The following NRXN3 variants were observed in gnomAD, a reference collection of about 807,000 sequenced individuals.
NRXN3 encodes neurexin 3, also known as neurexin III.
A neutral mutation model predicts 137.6 loss-of-function variants in NRXN3; 32 were observed. The ratio of observed to expected loss-of-function variants is 0.23; its 90% CI spans 0.18 to 0.31. The LOEUF is 0.31. Ranked by LOEUF, NRXN3 falls within the 10% of genes least tolerant of loss-of-function variation. The probability of loss-of-function intolerance (pLI) is 1.00; values close to 1 mark genes in which losing one functional copy is unlikely to be tolerated. For synonymous variants in NRXN3, 798 were observed against 784.5 expected (o/e 1.02, Z -0.29); for missense variants, 1,574 against 2,062.5 (o/e 0.76, Z 4.59).
intron 15 of NRXN3, among the ~76,000 whole-genome samples, chr14:79,052,222 A>G (rs1473414291): frequency 6.6e-6 from 1 of 152,208 alleles, no homozygotes; most frequent in South Asian, 2.1e-4. Flanking sequence ...CTTATCCAAA[A>G]CTAATTCTGT....
At chr14:79,275,825 A>G (rs2080208623) in intron 15 of NRXN3, among the ~76,000 whole-genome samples, 1 of 152,102 alleles carries the variant, frequency 6.6e-6, no homozygotes, top group African/African-American at 2.4e-5. Context: ...ATTGTATTCC[A>G]TTTAGAAATT....
At chr14:79,135,230 A>G (rs2058094770) in intron 15 of NRXN3, among the ~76,000 whole-genome samples, 1 of 152,192 alleles carries the variant, frequency 6.6e-6, no homozygotes, top group East Asian at 1.9e-4. Context: ...TCACAAACAA[A>G]TGCAGAGCCT....
intron 4 of NRXN3, among the ~76,000 whole-genome samples, chr14:78,432,645 G>C (rs1474544586): frequency 2.0e-5 from 3 of 152,192 alleles, no homozygotes; most frequent in Non-Finnish European, 4.4e-5. Context: ...TGCCTTGCCT[G>C]GTTTTAAGTT....
intron 4 of NRXN3, among the ~76,000 whole-genome samples, chr14:78,448,080 T>A (rs1321275389): frequency 2.6e-5 from 4 of 152,158 alleles, no homozygotes; most frequent in Non-Finnish European, 2.9e-5. Context: ...AAAGCACAGG[T>A]CAAATACTAC....
intron 8 of NRXN3, among the ~76,000 whole-genome samples, chr14:78,766,463 C>G (rs1595660947): frequency 2.0e-5 from 3 of 152,356 alleles, no homozygotes; most frequent in Admixed American, 2.0e-4. Flanking sequence ...TCCCTCTCCA[C>G]TGCCACCCCC....
chr14:78,738,904 C>T (rs930745649), intron 8 of NRXN3, among the ~76,000 whole-genome samples: 3 of 152,064 alleles, frequency 2.0e-5, no homozygotes, highest in Admixed American at 6.5e-5. Flanking sequence ...ATGTGGTGCT[C>T]GTGTGGGCCC....
intron 15 of NRXN3, among the ~76,000 whole-genome samples, chr14:79,276,595 T>G (rs1166275267): frequency 1.3e-5 from 2 of 152,084 alleles, no homozygotes; most frequent in African/African-American, 4.8e-5. Flanking sequence ...TTGTACTGCA[T>G]TAAGGATTTA....
chr14:78,185,627 A>T (rs566432934), intron 1 of NRXN3, among the ~76,000 whole-genome samples: 2 of 152,234 alleles, frequency 1.3e-5, no homozygotes, highest in East Asian at 3.9e-4. Flanking sequence ...CAGGTGATGG[A>T]CCTCAGCTTT....
At chr14:78,188,949 T>A (rs2060477296) in intron 1 of NRXN3, among the ~76,000 whole-genome samples, 1 of 152,094 alleles carries the variant, frequency 6.6e-6, no homozygotes, top group Non-Finnish European at 1.5e-5. Context: ...TACTTGTGTG[T>A]CTAATTCTAA....
At chr14:79,437,045 C>T (rs932859480) in intron 15 of NRXN3, among the ~76,000 whole-genome samples, 1 of 152,102 alleles carries the variant, frequency 6.6e-6, no homozygotes, top group Admixed American at 6.6e-5. Context: ...ATCACTAATC[C>T]ATGGTGCTTA....
At chr14:78,400,948 T>C (rs2091988523) in intron 4 of NRXN3, among the ~76,000 whole-genome samples, 2 of 152,204 alleles carry the variant, frequency 1.3e-5, no homozygotes, top group Admixed American at 1.3e-4. Flanking sequence ...GAAATTTATT[T>C]CTCACAGTTC....
chr14:78,326,943 AT>A (rs745955572), intron 4 of NRXN3, among the ~76,000 whole-genome samples: 166 of 150,096 alleles, frequency 1.1e-3, no homozygotes, highest in East Asian at 0.011. Flanking sequence ...AAAAAAAAAA[AT>A]CTCTCTGTTC....
chr14:78,985,008 T>C (rs915297279), intron 14 of NRXN3, among the ~76,000 whole-genome samples: 1 of 152,256 alleles, frequency 6.6e-6, no homozygotes, highest in African/African-American at 2.4e-5. Context: ...CTTCCGGTAC[T>C]ATCTGATTCT....
chr14:79,682,363 G>A (rs902062337), intron 17 of NRXN3, among the ~76,000 whole-genome samples: 3 of 152,114 alleles, frequency 2.0e-5, no homozygotes, highest in African/African-American at 7.2e-5. Flanking sequence ...TTGCCAAGTA[G>A]AATTAACGAG....
At chr14:78,658,787 G>A (rs1022097273) in intron 6 of NRXN3, among the ~76,000 whole-genome samples, 1 of 152,166 alleles carries the variant, frequency 6.6e-6, no homozygotes, top group Non-Finnish European at 1.5e-5. Flanking sequence ...GAAGATGTAC[G>A]GAAAAGCACT....
rs1441935153 is a variant in NRXN3 at position 79,116,492 on chromosome 14, T to G, written c.3262+128351T>G. On this transcript the variant is annotated intron_variant, in intron 15 of 20. Transcript: ENST00000335750. ...TCATAAAGCTCTGGCTTAGTTACTG[T>G]TTGCATGTTCAAGACTACTCTGAGG... Among the ~76,000 whole-genome samples, 3 of 152,216 alleles carry G rather than the reference T, an allele frequency of 2.0e-5. No individual in the cohort carries two copies. The East Asian group carries it at 5.8e-4, about 29-fold the overall frequency.
intron 15 of NRXN3, among the ~76,000 whole-genome samples, chr14:79,070,545 A>G (rs1595611235): frequency 1.3e-5 from 2 of 152,310 alleles, no homozygotes; most frequent in East Asian, 1.9e-4. Flanking sequence ...TAATAACTCA[A>G]TAACTCCACA....
chr14:79,230,905 C>A (rs2072060580), intron 15 of NRXN3, among the ~76,000 whole-genome samples: 1 of 152,050 alleles, frequency 6.6e-6, no homozygotes, highest in African/African-American at 2.4e-5. Context: ...AACTGTCCTG[C>A]CTTTTACCCT....
At chr14:78,328,551 A>G (rs1054100565) in intron 4 of NRXN3, among the ~76,000 whole-genome samples, 3 of 152,226 alleles carry the variant, frequency 2.0e-5, no homozygotes, top group Non-Finnish European at 4.4e-5. Context: ...CGTAAAGACA[A>G]CTATCCAATT....
Sources: gnomAD v4.1 joint callset for allele counts (sites outside exome capture counted in the v4.1 genomes callset) on GRCh38, gnomAD v4.1.1 for gene constraint, MANE v1.5 for transcripts, NCBI Gene and HGNC (gene_info 2026-07-23, HGNC 2026-07-21) for gene names.